HACD3: variants seen among roughly 807,000 people sequenced by gnomAD.
HACD3 encodes the protein 3-hydroxyacyl-CoA dehydratase 3.
Under a neutral mutation model 55.2 loss-of-function variants are expected in HACD3, and 30 were observed. The ratio of observed to expected loss-of-function variants is 0.54; its 90% confidence interval spans 0.41 to 0.74. The LOEUF (loss-of-function observed/expected upper bound fraction) is 0.74, where lower values mean the gene tolerates loss of function less well. HACD3 is among the 30% of genes least tolerant of loss of function. The pLI is 0.00. For synonymous variants in HACD3, 141 were observed against 151.7 expected, an observed-to-expected ratio of 0.93 and a Z score of 0.52; for missense variants, 363 against 440.1, an observed-to-expected ratio of 0.82 and a Z score of 1.57.
chr15:65,550,260 G>A (rs1381365150), intron 1 of HACD3, among the ~76,000 whole-genome samples: 2 of 152,032 alleles, frequency 1.3e-5, no homozygotes, highest in South Asian at 2.1e-4. Context: ...GATGGCAGTC[G>A]CCTGTAATAC....
At position 65,572,306 on chromosome 15, in the gene HACD3, G is replaced by A; in HGVS notation, c.952G>A (p.Val318Met). ...GRFSFTLPYP[V>M]KIKVRFSFFL... ...ATTCAGTTTCACATTGCCATATCCA[G>A]TGAAAATCAAAGTTAGATTTTCCTT... The change falls in exon 10 of 11, where the codon GTG (valine) becomes ATG (methionine). Residue 318 changes from valine to methionine, a missense_variant. Coordinates refer to ENST00000261875, the MANE Select transcript of HACD3 (RefSeq NM_016395.4). 1.2e-6 allele frequency: 2 copies of A among 1,613,214 alleles called. No homozygotes were observed. Among genetic ancestry groups the A allele is most frequent in the Non-Finnish European group, 1.7e-6 (2 of 1,179,746 alleles).
At chr15:65,548,994 T>G (rs2072104640) in intron 1 of HACD3, among the ~76,000 whole-genome samples, 1 of 152,218 alleles carries the variant, frequency 6.6e-6, no homozygotes, top group South Asian at 2.1e-4. Flanking sequence ...CCCCGGTAGC[T>G]GGGACTATAG....
intron 1 of HACD3, among the ~76,000 whole-genome samples, chr15:65,548,510 C>G (rs1419354676): frequency 1.7e-5 from 2 of 120,848 alleles, no homozygotes; most frequent in Non-Finnish European, 3.3e-5. Context: ...GAGATTCTGT[C>G]TCAAAAAAAA....
intron 1 of HACD3, among the ~76,000 whole-genome samples, chr15:65,536,421 G>A (rs2071955813): frequency 3.9e-5 from 6 of 152,020 alleles, no homozygotes; most frequent in Admixed American, 6.6e-5. Context: ...CTCTCCTTGG[G>A]CCTCTCCTCT....
chr15:65,545,455 ATTT>A (rs1166511305), intron 1 of HACD3, among the ~76,000 whole-genome samples: 4 of 141,214 alleles, frequency 2.8e-5, no homozygotes, highest in African/African-American at 5.2e-5. Context: ...TGGATCCTGG[ATTT>A]TTTTTTTTTT....
Position 65,577,664 on chromosome 15 carries a change from T to C in HACD3, c.*1285T>C, listed in dbSNP as rs1226004423. On this transcript the variant is annotated 3_prime_UTR_variant, in exon 11 of 11. Coordinates refer to ENST00000261875, the MANE Select transcript of HACD3 (RefSeq NM_016395.4). ...TGCACTGGCTGAGTCCATTTACTTG[T>C]GTACTTGTTCTAGTGAGTGGTGGGA... The C allele has an allele frequency of 2.6e-5, 4 of 151,400 alleles. No homozygotes were observed. Among genetic ancestry groups the C allele is most frequent in the African/African-American group, 7.4e-5 (3 of 40,626 alleles). The allele number at this position is 151,400 out of a possible 1,614,324, so 9.4% of individuals were successfully genotyped here.
Position 65,578,261 on chromosome 15 carries a change from T to C in HACD3, c.*1882T>C, listed in dbSNP as rs2072430113. ...ATGCTGCATCCTCGTGGCAAAATTC[T>C]GTATTCTTAGTGATTGTTACAAACC... On this transcript the variant is annotated 3_prime_UTR_variant, in exon 11 of 11. Coordinates refer to ENST00000261875, the MANE Select transcript of HACD3 (RefSeq NM_016395.4). The C allele has an allele frequency of 6.6e-6, 1 of 152,264 alleles. No homozygotes were observed. The highest frequency in any genetic ancestry group is 6.5e-5 in the Admixed American group (1 of 15,288). The allele number at this position is 152,264 out of a possible 1,614,324, so 9.4% of individuals were successfully genotyped here. A position where few individuals can be genotyped will look rare whatever the true frequency, so the allele number is the denominator to read the frequency against.
chr15:65,537,945 AAAAAAAAAAAAAAATATATATATATATAT>A lies in HACD3; in HGVS notation c.87+7229_87+7257del, dbSNP rs1385291707. ...AGGCCAACTTCTCAGAAAAAAAAAA[AAAAAAAAAAAAAAATATATATATATATAT>A]ATATATATATATATATATATATATA... On this transcript the variant is annotated intron_variant, in intron 1 of 10. Coordinates refer to ENST00000261875, the MANE Select transcript of HACD3 (RefSeq NM_016395.4). Among the ~76,000 whole-genome samples, 61 of 36,462 alleles carry A rather than the reference AAAAAAAAAAAAAAATATATATATATATAT, an allele frequency of 1.7e-3. 1 individual carries two copies. The highest frequency in any genetic ancestry group is 5.6e-3 in the African/African-American group (51 of 9,142). The allele number at this position is 36,462 out of a possible 152,430, so 23.9% of individuals were successfully genotyped here.
At chr15:65,545,965 C>T (rs8032937) in intron 1 of HACD3, among the ~76,000 whole-genome samples, 7,207 of 152,350 alleles carry the variant, frequency 0.047, 583 homozygotes, top group African/African-American at 0.17. Context: ...TCTTAGACCA[C>T]TTGCTCTTGA....
At position 65,577,458 on chromosome 15, in the gene HACD3, T is replaced by TAC. The variant is rs10645266; in HGVS notation, c.*1094_*1095dup. On this transcript the variant is annotated 3_prime_UTR_variant, in exon 11 of 11. Coordinates refer to ENST00000261875, the MANE Select transcript of HACD3 (RefSeq NM_016395.4). ...CAAACCACACACACACAAACACACATACACACACACACACACGAGGTCCAA... is the reference window on the plus strand; with the variant it reads ...CAAACCACACACACACAAACACACATACACACACACACACACACGAGGTCCAA... 62 of 150,450 alleles carry TAC rather than the reference T, an allele frequency of 4.1e-4. No individual in the cohort carries two copies. Among genetic ancestry groups the TAC allele is most frequent in the East Asian group, 1.2e-3 (6 of 5,140 alleles). 9.3% of individuals were successfully genotyped at this position (150,450 alleles called of 1,614,324 possible).
At chr15:65,531,171 C>T (rs981645988) in intron 1 of HACD3, 4 of 149,840 alleles carry the variant, frequency 2.7e-5, no homozygotes, top group Non-Finnish European at 5.9e-5. Flanking sequence ...CCAGCCAGGC[C>T]CCTCGGACGT....
intron 4 of HACD3, among the ~76,000 whole-genome samples, chr15:65,557,214 G>A (rs368777): frequency 0.44 from 66,325 of 152,060 alleles, 16,976 homozygotes; most frequent in Non-Finnish European, 0.57. Flanking sequence ...GGTGGCTCAC[G>A]CCTGTAATCC....
At chr15:65,558,597 G>C in intron 4 of HACD3, 83 bp from the exon 5 acceptor site, 1 of 1,356,374 alleles carries the variant, frequency 7.4e-7, no homozygotes, top group East Asian at 2.5e-5. Flanking sequence ...GAGGGAGTCA[G>C]ATTACTCAGC....
chr15:65,576,556 C>G lies in HACD3; in HGVS notation c.*177C>G. The G allele has an allele frequency of 1.5e-6, 1 of 683,870 alleles. No individual in the cohort carries two copies. The highest frequency in any genetic ancestry group is 2.0e-5 in the South Asian group (1 of 50,016). 42.4% of individuals were successfully genotyped at this position (683,870 alleles called of 1,614,324 possible). A position where few individuals can be genotyped will look rare whatever the true frequency, so the allele number is the denominator to read the frequency against. On this transcript the variant is annotated 3_prime_UTR_variant, in exon 11 of 11. Coordinates refer to ENST00000261875, the MANE Select transcript of HACD3 (RefSeq NM_016395.4). ...TACTGTTATCTTATTGTAGTACTTG[C>G]ATGACATGGATTCCTGATATCTGAT...
At chr15:65,539,253 C>T (rs1037248813) in intron 1 of HACD3, among the ~76,000 whole-genome samples, 4 of 115,622 alleles carry the variant, frequency 3.5e-5, no homozygotes, top group Non-Finnish European at 4.9e-5. Flanking sequence ...GGAGTCTCAC[C>T]GTGTCACCCC....
intron 4 of HACD3, 111 bp from the exon 5 acceptor site, chr15:65,558,569 A>C: frequency 1.0e-6 from 1 of 989,186 alleles, no homozygotes; most frequent in Non-Finnish European, 1.6e-6. Context: ...ACTGACCCCA[A>C]CTGGAGGAGT....
chr15:65,562,436 G>A (rs1178974593), intron 5 of HACD3, among the ~76,000 whole-genome samples: 1 of 152,222 alleles, frequency 6.6e-6, no homozygotes, highest in Non-Finnish European at 1.5e-5. Context: ...TTATAAGCCA[G>A]AAACCGTTGC....
Position 65,554,875 on chromosome 15 carries a change from C to A in HACD3, c.131-12C>A. On this transcript the variant is annotated splice_polypyrimidine_tract_variant and intron_variant, in intron 2 of 10. Transcript: ENST00000261875. ...CTCAAGTTTGCAGTAACCCACATTT[C>A]TTTCTTTATAGCTCAAGGACATGGT... The A allele has an allele frequency of 6.2e-7, 1 of 1,604,354 alleles. No individual in the cohort carries two copies.
chr15:65,558,842 T>C lies in HACD3; in HGVS notation c.421+111T>C, dbSNP rs537707225. The stretch of plus-strand genomic sequence containing the variant: ...AATGATTTCATCCCGGTGAGCTGTG[T>C]GGGTGAGTTTATGAAAAAGCTTTTA... On this transcript the variant is annotated intron_variant, in intron 5 of 10. Coordinates refer to ENST00000261875, the MANE Select transcript of HACD3 (RefSeq NM_016395.4). 130 of 1,330,204 alleles carry C rather than the reference T, an allele frequency of 9.8e-5. 1 individual carries two copies. The South Asian group carries it at 1.6e-3, about 16-fold the overall frequency. The allele number at this position is 1,330,204 out of a possible 1,614,324, so 82.4% of individuals were successfully genotyped here.
Sources: allele counts gnomAD v4.1 joint callset (sites outside exome capture counted in the v4.1 genomes callset), GRCh38; gene constraint gnomAD v4.1.1; transcripts MANE v1.5; gene names NCBI Gene and HGNC (gene_info 2026-07-23, HGNC 2026-07-21).